The following SGCZ variants were observed in gnomAD, a reference collection of about 807,000 sequenced individuals.
SGCZ encodes sarcoglycan zeta.
A neutral mutation model predicts 41.3 loss-of-function variants in SGCZ; 40 were observed. The ratio of observed to expected loss-of-function variants is 0.97; its 90% CI spans 0.75 to 1.26. The LOEUF (loss-of-function observed/expected upper bound fraction) is 1.26, where lower values mean the gene tolerates loss of function less well. Among genes scored for constraint, SGCZ ranks in the 50% most tolerant of loss-of-function variants. The pLI, the probability that SGCZ is intolerant of heterozygous loss-of-function variation, is 0.00. For synonymous variants in SGCZ, 206 were observed against 137.5 expected (o/e 1.50, Z -3.49); for missense variants, 552 against 369.8 (o/e 1.49, Z -4.04).
chr8:14,587,592 C>T (rs775377999), intron 1 of SGCZ, among the ~76,000 whole-genome samples: 9 of 152,190 alleles, frequency 5.9e-5, no homozygotes, highest in Non-Finnish European at 1.0e-4. Context: ...TGCTTAGCCA[C>T]ACAGTGACAG....
intron 2 of SGCZ, among the ~76,000 whole-genome samples, chr8:14,418,775 C>A (rs910940196): frequency 6.6e-6 from 1 of 151,898 alleles, no homozygotes; most frequent in Admixed American, 6.6e-5. Context: ...GCATTCTTTT[C>A]CACTGATGGT....
At chr8:15,234,702 A>C (rs1802067177) in intron 1 of SGCZ, among the ~76,000 whole-genome samples, 1 of 152,236 alleles carries the variant, frequency 6.6e-6, no homozygotes, top group Non-Finnish European at 1.5e-5. Context: ...AAAAGAAAAC[A>C]CTATTGACAC....
chr8:14,454,565 C>G (rs73519315), intron 2 of SGCZ, among the ~76,000 whole-genome samples: 6 of 151,814 alleles, frequency 4.0e-5, no homozygotes, highest in Non-Finnish European at 8.8e-5. Context: ...AAAGTTCATA[C>G]GTAAAAACAG....
rs968748547 is a variant in SGCZ, at chr8:15,038,594, A to G, written c.39+198991T>C. 5.9e-5 allele frequency among the ~76,000 whole-genome samples: 9 copies of G among 152,060 alleles called. 1 individual carries two copies. The highest frequency in any genetic ancestry group is 2.2e-4 in the African/African-American group (9 of 41,420). On this transcript the variant is annotated intron_variant, in intron 1 of 7. Transcript: ENST00000382080. ...CCCCAAACGCACAGGCAAAAAAGCA[A>G]AAATAGGCAAATGGAATTGCATCAA...
chr8:14,481,793 C>T (rs955004554), intron 2 of SGCZ, among the ~76,000 whole-genome samples: 1 of 152,150 alleles, frequency 6.6e-6, no homozygotes, highest in Non-Finnish European at 1.5e-5. Flanking sequence ...GAGGTTCCAT[C>T]TCTAATCAAG....
intron 1 of SGCZ, among the ~76,000 whole-genome samples, chr8:14,587,452 G>T (rs140434143): frequency 6.6e-6 from 1 of 151,882 alleles, no homozygotes; most frequent in African/African-American, 2.4e-5. Flanking sequence ...CAGGAATATG[G>T]CTTAAGCCTA....
At chr8:14,465,822 A>G (rs773329119) in intron 2 of SGCZ, among the ~76,000 whole-genome samples, 12 of 151,986 alleles carry the variant, frequency 7.9e-5, no homozygotes, top group Non-Finnish European at 1.3e-4. Context: ...ACACAGAATT[A>G]TATCTCTATA....
chr8:14,090,004 G>C lies in SGCZ; in HGVS notation c.*439C>G, dbSNP rs1801636601. On this transcript the variant is annotated 3_prime_UTR_variant, in exon 8 of 8. Transcript: ENST00000382080. Reference sequence around the variant, plus strand: ...GATAAAAGTTTACATCCAAAAAGATGAATGGAAAATTGTGCTTTCAGAATG... The same window carrying C: ...GATAAAAGTTTACATCCAAAAAGATCAATGGAAAATTGTGCTTTCAGAATG... The C allele has an allele frequency of 6.5e-6, 1 of 153,142 alleles. No homozygotes were observed. Among genetic ancestry groups the C allele is most frequent in the Non-Finnish European group, 1.5e-5 (1 of 68,462 alleles). The allele number at this position is 153,142 out of a possible 1,614,324, so 9.5% of individuals were successfully genotyped here.
chr8:14,397,447 T>C (rs1798950963), intron 2 of SGCZ, among the ~76,000 whole-genome samples: 1 of 152,164 alleles, frequency 6.6e-6, no homozygotes. Context: ...TTCTATTTTG[T>C]GCATTACCAT....
At chr8:14,559,614 C>A (rs563824751) in intron 1 of SGCZ, among the ~76,000 whole-genome samples, 3 of 152,052 alleles carry the variant, frequency 2.0e-5, no homozygotes, top group Admixed American at 6.6e-5. Context: ...TTTGGTTTTC[C>A]ATCTTTTTGT....
At chr8:15,233,288 C>T (rs1363002366) in intron 1 of SGCZ, among the ~76,000 whole-genome samples, 1 of 146,800 alleles carries the variant, frequency 6.8e-6, no homozygotes, top group Non-Finnish European at 1.5e-5. Context: ...CTGCAGCAAG[C>T]TTGACTCTCC....
chr8:14,932,346 T>C (rs966395764), intron 1 of SGCZ, among the ~76,000 whole-genome samples: 1 of 152,032 alleles, frequency 6.6e-6, no homozygotes, highest in African/African-American at 2.4e-5. Context: ...TTTTCTCTTT[T>C]CATTTCAGGC....
At chr8:14,821,006 G>C (rs1230512359) in intron 1 of SGCZ, among the ~76,000 whole-genome samples, 1 of 149,850 alleles carries the variant, frequency 6.7e-6, no homozygotes, top group South Asian at 2.1e-4. Context: ...AAGTAAAATA[G>C]CGATTCAAAA....
chr8:14,292,525 G>A (rs1800875920), intron 3 of SGCZ, among the ~76,000 whole-genome samples: 2 of 152,050 alleles, frequency 1.3e-5, no homozygotes, highest in South Asian at 4.1e-4. Context: ...GCACAAGATA[G>A]GGAATGAAGA....
chr8:14,290,486 A>G (rs896238789), intron 3 of SGCZ, among the ~76,000 whole-genome samples: 6 of 152,134 alleles, frequency 3.9e-5, no homozygotes, highest in Admixed American at 3.3e-4. Flanking sequence ...AAACAACTCA[A>G]TAACAACAAA....
chr8:14,635,940 T>A, intron 1 of SGCZ, among the ~76,000 whole-genome samples: 2 of 151,920 alleles, frequency 1.3e-5, no homozygotes, highest in African/African-American at 2.4e-5. Flanking sequence ...TGTGAGTTAA[T>A]ATAGTAGGTG....
At chr8:14,191,946 T>C (rs1382566435) in intron 4 of SGCZ, among the ~76,000 whole-genome samples, 1 of 152,096 alleles carries the variant, frequency 6.6e-6, no homozygotes, top group African/African-American at 2.4e-5. Context: ...CTTTTACCTG[T>C]AAATAAAGTA....
At chr8:15,099,385 G>C (rs2054063) in intron 1 of SGCZ, among the ~76,000 whole-genome samples, 113,875 of 152,028 alleles carry the variant, frequency 0.75, 43,105 homozygotes, top group Admixed American at 0.8. Flanking sequence ...TAGATGAAAT[G>C]GACAAATTCT....
intron 1 of SGCZ, among the ~76,000 whole-genome samples, chr8:14,843,752 AC>A (rs1803004690): frequency 6.6e-6 from 1 of 152,086 alleles, no homozygotes; most frequent in African/African-American, 2.4e-5. Context: ...ACTGCCAAGA[AC>A]TTCATAAATA....
Sources: allele counts gnomAD v4.1 joint callset (sites outside exome capture counted in the v4.1 genomes callset), GRCh38; gene constraint gnomAD v4.1.1; transcripts MANE v1.5; gene names NCBI Gene and HGNC (gene_info 2026-07-23, HGNC 2026-07-21).